SGCZ: variants seen among roughly 807,000 people sequenced by gnomAD.
The protein encoded by SGCZ is zeta-sarcoglycan.
A neutral mutation model predicts 41.3 loss-of-function variants in SGCZ; 40 were observed. That is an observed-to-expected ratio of 0.97 (90% CI 0.75 to 1.26). The LOEUF is 1.26. SGCZ is among the 50% of genes most tolerant of loss of function. The probability of loss-of-function intolerance (pLI) is 0.00; values close to 1 mark genes in which losing one functional copy is unlikely to be tolerated. For missense variants in SGCZ, 552 were observed against 369.8 expected, an observed-to-expected ratio of 1.49 and a Z score of -4.04; for synonymous variants, 206 against 137.5, an observed-to-expected ratio of 1.50 and a Z score of -3.49.
intron 1 of SGCZ, among the ~76,000 whole-genome samples, chr8:14,607,006 A>G (rs17251054): frequency 6.6e-6 from 1 of 152,114 alleles, no homozygotes; most frequent in Non-Finnish European, 1.5e-5. Context: ...TATTCATCAT[A>G]TAATCAGGCA....
intron 1 of SGCZ, among the ~76,000 whole-genome samples, chr8:14,953,891 G>T (rs1800719493): frequency 6.6e-6 from 1 of 152,024 alleles, no homozygotes; most frequent in Non-Finnish European, 1.5e-5. Context: ...CCTAAAATAT[G>T]TTTATGTTTA....
intron 2 of SGCZ, among the ~76,000 whole-genome samples, chr8:14,419,435 T>A (rs1170458869): frequency 6.6e-6 from 1 of 151,920 alleles, no homozygotes; most frequent in African/African-American, 2.4e-5. Flanking sequence ...TCTATGAGAT[T>A]TTTTGTCTCA....
chr8:14,130,717 A>T (rs1803014568), intron 5 of SGCZ, among the ~76,000 whole-genome samples: 1 of 152,212 alleles, frequency 6.6e-6, no homozygotes, highest in South Asian at 2.1e-4. Context: ...CTGCAGACAT[A>T]GGTATGCAAG....
At chr8:14,644,907 T>C (rs1293362713) in intron 1 of SGCZ, among the ~76,000 whole-genome samples, 1 of 149,996 alleles carries the variant, frequency 6.7e-6, no homozygotes, top group Non-Finnish European at 1.5e-5. Flanking sequence ...TGCCAACCTC[T>C]TGACAGAAAT....
chr8:14,813,299 T>C (rs2130543800), intron 1 of SGCZ, among the ~76,000 whole-genome samples: 1 of 152,310 alleles, frequency 6.6e-6, no homozygotes, highest in East Asian at 1.9e-4. Context: ...TTTCATTTTT[T>C]AATATAATCT....
At chr8:14,557,478 C>T (rs370754148) in intron 1 of SGCZ, among the ~76,000 whole-genome samples, 3 of 152,016 alleles carry the variant, frequency 2.0e-5, no homozygotes, top group African/African-American at 7.2e-5. Flanking sequence ...CTTTTGGGCT[C>T]TTAGTCATGA....
At chr8:14,439,631 A>C (rs944280725) in intron 2 of SGCZ, among the ~76,000 whole-genome samples, 2 of 151,974 alleles carry the variant, frequency 1.3e-5, no homozygotes, top group Admixed American at 1.3e-4. Context: ...CCATATTAAA[A>C]AAATCAATCA....
At chr8:14,550,854 T>C (rs948336311) in intron 2 of SGCZ, among the ~76,000 whole-genome samples, 6 of 152,160 alleles carry the variant, frequency 3.9e-5, no homozygotes, top group African/African-American at 1.4e-4. Flanking sequence ...TGATCTCTTG[T>C]AATGTACAGA....
intron 3 of SGCZ, among the ~76,000 whole-genome samples, chr8:14,273,114 T>C (rs1271497320): frequency 2.0e-5 from 3 of 152,118 alleles, no homozygotes; most frequent in African/African-American, 7.2e-5. Flanking sequence ...CTAAGTGTCA[T>C]CATGAAGAGC....
intron 1 of SGCZ, among the ~76,000 whole-genome samples, chr8:14,990,687 A>G (rs962993053): frequency 2.0e-5 from 3 of 152,102 alleles, no homozygotes; most frequent in Admixed American, 6.5e-5. Flanking sequence ...ATCATATACT[A>G]TAATGTAATA....
chr8:14,623,311 T>C (rs918934480), intron 1 of SGCZ, among the ~76,000 whole-genome samples: 13 of 152,052 alleles, frequency 8.5e-5, no homozygotes, highest in Non-Finnish European at 1.8e-4. Flanking sequence ...AAAACAAAAT[T>C]AATAAAGAGA....
At chr8:14,364,103 T>C (rs1803619035) in intron 2 of SGCZ, among the ~76,000 whole-genome samples, 1 of 152,176 alleles carries the variant, frequency 6.6e-6, no homozygotes, top group Non-Finnish European at 1.5e-5. Context: ...CTGTTCAAAA[T>C]ATATAGTGTA....
chr8:14,463,412 A>G (rs553239815), intron 2 of SGCZ, among the ~76,000 whole-genome samples: 4 of 151,510 alleles, frequency 2.6e-5, no homozygotes, highest in African/African-American at 9.6e-5. Flanking sequence ...GTGTAAAAAA[A>G]AAAAAAAAAC....
chr8:14,301,118 C>T (rs1310135663), intron 3 of SGCZ, among the ~76,000 whole-genome samples: 1 of 151,758 alleles, frequency 6.6e-6, no homozygotes, highest in Admixed American at 6.6e-5. Flanking sequence ...TCCTCTCATC[C>T]TTGTCACCTA....
rs1228535317 is a variant in SGCZ, at chr8:14,714,967, T to C, written c.40-160041A>G. Among the ~76,000 whole-genome samples the C allele has an allele frequency of 5.3e-5, 8 of 152,320 alleles. No individual in the cohort carries two copies. In the East Asian group the frequency reaches 1.4e-3, roughly 26 times the overall value. Reference sequence around the variant, plus strand: ...TAAGTTGCAAATTTCCTTATTGATATGATTTTTTCAAATGCAGTGGTTTAG... The same window carrying C: ...TAAGTTGCAAATTTCCTTATTGATACGATTTTTTCAAATGCAGTGGTTTAG... On this transcript the variant is annotated intron_variant, in intron 1 of 7. Transcript: ENST00000382080.
chr8:14,481,696 C>G (rs1801538996), intron 2 of SGCZ, among the ~76,000 whole-genome samples: 1 of 151,654 alleles, frequency 6.6e-6, no homozygotes, highest in South Asian at 2.1e-4. Context: ...GAATTTTATA[C>G]TAGGAGAATG....
intron 1 of SGCZ, among the ~76,000 whole-genome samples, chr8:14,928,563 A>G (rs1178650608): frequency 1.3e-5 from 2 of 152,220 alleles, no homozygotes; most frequent in African/African-American, 4.8e-5. Context: ...ACGTGGTGCT[A>G]ATTAAGGTTT....
At position 15,029,974 on chromosome 8, in the gene SGCZ, A is replaced by G. The variant is rs1157619792; in HGVS notation, c.39+207611T>C. Among the ~76,000 whole-genome samples the G allele has an allele frequency of 2.0e-5, 3 of 152,312 alleles. No individual in the cohort carries two copies. In the East Asian group the frequency reaches 5.8e-4, roughly 29 times the overall value. On this transcript the variant is annotated intron_variant, in intron 1 of 7. Transcript: ENST00000382080. ...CACTGTGCCATACACTTAATTCAAC[A>G]AAAGTCCCAAGTACCTATTCTGTGC...
chr8:14,204,180 G>C (rs1014650727), intron 4 of SGCZ, among the ~76,000 whole-genome samples: 8 of 151,980 alleles, frequency 5.3e-5, no homozygotes, highest in Non-Finnish European at 1.0e-4. Flanking sequence ...GGAAAATGGG[G>C]CATAAAACGA....
Sources: gnomAD v4.1 joint callset for allele counts (sites outside exome capture counted in the v4.1 genomes callset) on GRCh38, gnomAD v4.1.1 for gene constraint, MANE v1.5 for transcripts, NCBI Gene and HGNC (gene_info 2026-07-23, HGNC 2026-07-21) for gene names.